MAML3: variants seen among roughly 807,000 people sequenced by gnomAD.
MAML3 encodes mastermind like transcriptional coactivator 3.
A neutral mutation model predicts 101.9 loss-of-function variants in MAML3; 27 were observed. The ratio of observed to expected loss-of-function variants is 0.27; its 90% CI spans 0.20 to 0.37. MAML3 has a LOEUF of 0.37. Ranked by LOEUF, MAML3 falls within the 10% of genes least tolerant of loss-of-function variation. The pLI, the probability that MAML3 is intolerant of heterozygous loss-of-function variation, is 1.00. For synonymous variants in MAML3, 501 were observed against 555.9 expected (o/e 0.90, Z 1.39); for missense variants, 1,316 against 1,444.9 (o/e 0.91, Z 1.45).
At chr4:140,092,510 C>T (rs370191064) in intron 1 of MAML3, among the ~76,000 whole-genome samples, 1 of 152,156 alleles carries the variant, frequency 6.6e-6, no homozygotes, top group East Asian at 1.9e-4. Context: ...AACGGCGCGG[C>T]CGCTCCTGAT....
chr4:139,790,616 T>C (rs979353524), intron 2 of MAML3, among the ~76,000 whole-genome samples: 6 of 152,170 alleles, frequency 3.9e-5, no homozygotes, highest in African/African-American at 1.4e-4. Flanking sequence ...ATTTCAGGTA[T>C]CTTATATAGA....
At chr4:140,017,126 G>A (rs1392795436) in intron 1 of MAML3, among the ~76,000 whole-genome samples, 1 of 152,120 alleles carries the variant, frequency 6.6e-6, no homozygotes, top group Non-Finnish European at 1.5e-5. Flanking sequence ...ATTCCAATTA[G>A]AATATGGGCA....
chr4:139,923,618 T>TTGTGTGTG (rs3079902), intron 1 of MAML3, among the ~76,000 whole-genome samples: 32 of 150,426 alleles, frequency 2.1e-4, no homozygotes, highest in East Asian at 9.8e-4. Context: ...GGGGTAGTCT[T>TTGTGTGTG]TGTGTGTGTG....
chr4:140,024,136 G>A (rs1726782300), intron 1 of MAML3, among the ~76,000 whole-genome samples: 1 of 151,908 alleles, frequency 6.6e-6, no homozygotes, highest in African/African-American at 2.4e-5. Context: ...CAATTTTCAA[G>A]ATGTGGAAAC....
chr4:139,902,756 AGGTACTGTT>A (rs1471563759), intron 1 of MAML3, among the ~76,000 whole-genome samples: 1 of 152,194 alleles, frequency 6.6e-6, no homozygotes, highest in African/African-American at 2.4e-5. Context: ...AATTAGACCA[AGGTACTGTT>A]GTTATAGCAA....
chr4:139,784,095 A>G (rs963327330), intron 2 of MAML3, among the ~76,000 whole-genome samples: 3 of 152,222 alleles, frequency 2.0e-5, no homozygotes, highest in African/African-American at 7.2e-5. Flanking sequence ...ATGCAAGAGA[A>G]GAAAAAAGAA....
At chr4:140,152,572 G>A (rs907925831) in intron 1 of MAML3, among the ~76,000 whole-genome samples, 2 of 151,792 alleles carry the variant, frequency 1.3e-5, no homozygotes, top group Non-Finnish European at 2.9e-5. Context: ...AACTTTTCCA[G>A]CACCTCACTC....
chr4:139,756,303 G>C (rs1455546786), intron 2 of MAML3, among the ~76,000 whole-genome samples: 1 of 152,158 alleles, frequency 6.6e-6, no homozygotes, highest in Non-Finnish European at 1.5e-5. Context: ...CACTTTTAAA[G>C]TCCATGGTAT....
intron 1 of MAML3, among the ~76,000 whole-genome samples, chr4:139,956,078 G>A (rs921140331): frequency 6.6e-6 from 1 of 152,198 alleles, no homozygotes; most frequent in East Asian, 1.9e-4. Flanking sequence ...TGAAATCTCT[G>A]AATTCTACTC....
chr4:140,083,272 T>C (rs955399809), intron 1 of MAML3, among the ~76,000 whole-genome samples: 12 of 152,184 alleles, frequency 7.9e-5, no homozygotes, highest in Admixed American at 7.9e-4. Context: ...TTCCCCTATC[T>C]TTCCCCACAT....
chr4:140,142,780 G>A (rs945914313), intron 1 of MAML3, among the ~76,000 whole-genome samples: 2 of 152,118 alleles, frequency 1.3e-5, no homozygotes, highest in African/African-American at 2.4e-5. Context: ...CTGTGACATC[G>A]TTTCAAGACT....
At chr4:139,894,986 T>C (rs1228231247) in intron 1 of MAML3, among the ~76,000 whole-genome samples, 2 of 152,208 alleles carry the variant, frequency 1.3e-5, no homozygotes, top group Non-Finnish European at 2.9e-5. Flanking sequence ...GACTCGATTT[T>C]AGAAAGTCCA....
intron 2 of MAML3, among the ~76,000 whole-genome samples, chr4:139,851,079 T>C (rs762563787): frequency 6.6e-6 from 1 of 152,220 alleles, no homozygotes; most frequent in Non-Finnish European, 1.5e-5. Flanking sequence ...GTTCTAGAAC[T>C]TTAAGTATGC....
intron 1 of MAML3, among the ~76,000 whole-genome samples, chr4:140,120,572 G>A (rs1236326724): frequency 6.6e-6 from 1 of 152,184 alleles, no homozygotes; most frequent in Non-Finnish European, 1.5e-5. Context: ...TTTGCATTTT[G>A]TTGCATATAA....
At chr4:139,988,011 A>G (rs1356465613) in intron 1 of MAML3, among the ~76,000 whole-genome samples, 5 of 85,690 alleles carry the variant, frequency 5.8e-5, no homozygotes, top group Non-Finnish European at 8.7e-5. Flanking sequence ...ACACAGCAAA[A>G]CTCCGTCTCA....
intron 1 of MAML3, among the ~76,000 whole-genome samples, chr4:140,147,323 CT>C (rs1256364417): frequency 2.0e-5 from 3 of 152,108 alleles, no homozygotes; most frequent in African/African-American, 7.2e-5. Context: ...GAAACTCAGT[CT>C]TTATTATTTG....
intron 2 of MAML3, among the ~76,000 whole-genome samples, chr4:139,773,849 G>C (rs1730042394): frequency 6.6e-6 from 1 of 152,198 alleles, no homozygotes; most frequent in Non-Finnish European, 1.5e-5. Flanking sequence ...TCAGATTTGA[G>C]ACAGGCACTT....
intron 1 of MAML3, among the ~76,000 whole-genome samples, chr4:139,939,403 A>ATCT (rs1346948847): frequency 1.3e-5 from 2 of 152,014 alleles, no homozygotes; most frequent in Non-Finnish European, 2.9e-5. Flanking sequence ...CTGAGGCCCA[A>ATCT]TCTTCTGGGC....
chr4:139,729,795 A>T (rs1475866116), intron 3 of MAML3, among the ~76,000 whole-genome samples: 1 of 152,228 alleles, frequency 6.6e-6, no homozygotes, highest in Non-Finnish European at 1.5e-5. Flanking sequence ...TGCTTAAGGT[A>T]AAGCTGTATT....
Sources: allele counts gnomAD v4.1 joint callset (sites outside exome capture counted in the v4.1 genomes callset), GRCh38; gene constraint gnomAD v4.1.1; transcripts MANE v1.5; gene names NCBI Gene and HGNC (gene_info 2026-07-23, HGNC 2026-07-21).